The following BICC1 variants were observed in gnomAD, a reference collection of about 807,000 sequenced individuals.
The protein encoded by BICC1 is BicC family RNA binding protein 1, also known as protein bicaudal C homolog 1.
In BICC1, 43 loss-of-function variants were observed where a neutral mutation model predicts 111.0. The observed-to-expected ratio is 0.39, with a 90% CI of 0.30 to 0.50. The LOEUF (loss-of-function observed/expected upper bound fraction) is 0.50. BICC1 is among the 20% of genes least tolerant of loss of function. The probability of loss-of-function intolerance (pLI) is 0.88; values close to 1 mark genes in which losing one functional copy is unlikely to be tolerated. For synonymous variants in BICC1, 467 were observed against 434.4 expected, an observed-to-expected ratio of 1.07 and a Z score of -0.93; for missense variants, 1,091 against 1,203.2, an observed-to-expected ratio of 0.91 and a Z score of 1.38.
intron 2 of BICC1, among the ~76,000 whole-genome samples, chr10:58,622,734 G>T (rs10740740): frequency 2.0e-5 from 3 of 151,888 alleles, no homozygotes; most frequent in African/African-American, 4.8e-5. Context: ...TATTTTGACT[G>T]GACAGAAGTA....
intron 3 of BICC1, among the ~76,000 whole-genome samples, chr10:58,714,083 G>T (rs1416536575): frequency 6.6e-6 from 1 of 152,120 alleles, no homozygotes; most frequent in Non-Finnish European, 1.5e-5. Flanking sequence ...GAAGACAGCC[G>T]CCTCAACACA....
chr10:58,620,169 T>A (rs1482162523), intron 1 of BICC1, among the ~76,000 whole-genome samples: 1 of 152,190 alleles, frequency 6.6e-6, no homozygotes, highest in Non-Finnish European at 1.5e-5. Flanking sequence ...GAATACAAAA[T>A]GTTCATAGTC....
chr10:58,583,592 G>C (rs376503315), intron 1 of BICC1, among the ~76,000 whole-genome samples: 65,129 of 140,174 alleles, frequency 0.46, 14,948 homozygotes, highest in Admixed American at 0.57. Context: ...CTCTGTGTGT[G>C]TGTGTGTGTG....
intron 2 of BICC1, among the ~76,000 whole-genome samples, chr10:58,676,667 G>A (rs536757287): frequency 3.3e-5 from 5 of 152,318 alleles, no homozygotes; most frequent in Admixed American, 1.3e-4. Context: ...AGAGAGCAGC[G>A]GATCTCCCAG....
chr10:58,751,520 G>A (rs1841990894), intron 3 of BICC1, among the ~76,000 whole-genome samples: 1 of 152,144 alleles, frequency 6.6e-6, no homozygotes, highest in South Asian at 2.1e-4. Context: ...AACGTGCCCA[G>A]TGGGAACTAT....
chr10:58,807,542 G>A (rs1001036206), intron 17 of BICC1, among the ~76,000 whole-genome samples: 3 of 152,134 alleles, frequency 2.0e-5, no homozygotes, highest in African/African-American at 7.2e-5. Flanking sequence ...GGGGGAAAAG[G>A]CAAATATTCA....
intron 1 of BICC1, among the ~76,000 whole-genome samples, chr10:58,559,981 T>C (rs1055555014): frequency 6.6e-6 from 1 of 151,816 alleles, no homozygotes; most frequent in Non-Finnish European, 1.5e-5. Flanking sequence ...TTGTTGAGGA[T>C]TTTTGCATCT....
chr10:58,697,869 C>T (rs1366247317), intron 2 of BICC1, among the ~76,000 whole-genome samples: 3 of 151,814 alleles, frequency 2.0e-5, no homozygotes, highest in Admixed American at 2.0e-4. Context: ...TACTGAAGTT[C>T]CTAGACCAAA....
At chr10:58,773,233 A>G (rs533743237) in intron 3 of BICC1, among the ~76,000 whole-genome samples, 1 of 152,172 alleles carries the variant, frequency 6.6e-6, no homozygotes, top group African/African-American at 2.4e-5. Flanking sequence ...TAACGTATGG[A>G]GTTGACCCCC....
intron 2 of BICC1, among the ~76,000 whole-genome samples, chr10:58,636,461 A>G (rs183659498): frequency 2.0e-5 from 3 of 152,218 alleles, no homozygotes; most frequent in Non-Finnish European, 4.4e-5. Context: ...CCAACACACA[A>G]AAAGATCCTA....
chr10:58,795,201 TATA>T (rs1589146093), intron 9 of BICC1, among the ~76,000 whole-genome samples: 1 of 152,200 alleles, frequency 6.6e-6, no homozygotes, highest in Non-Finnish European at 1.5e-5. Flanking sequence ...ATGGTGTATA[TATA>T]ATATGTATTT....
At chr10:58,762,732 A>T (rs914133919) in intron 3 of BICC1, among the ~76,000 whole-genome samples, 1 of 152,154 alleles carries the variant, frequency 6.6e-6, no homozygotes, top group Admixed American at 6.5e-5. Context: ...TTTTCTTTAC[A>T]TGAAAATTAA....
intron 5 of BICC1, among the ~76,000 whole-genome samples, chr10:58,788,153 G>A (rs1843065869): frequency 6.6e-6 from 1 of 152,136 alleles, no homozygotes; most frequent in Non-Finnish European, 1.5e-5. Flanking sequence ...AAACAGATCA[G>A]TTGACACAAA....
chr10:58,537,271 A>C (rs753333406), intron 1 of BICC1, among the ~76,000 whole-genome samples: 1 of 151,768 alleles, frequency 6.6e-6, no homozygotes, highest in Non-Finnish European at 1.5e-5. Flanking sequence ...AAAATAAGAA[A>C]ACTACAGACC....
chr10:58,571,808 A>G (rs1472809357), intron 1 of BICC1, among the ~76,000 whole-genome samples: 4 of 152,134 alleles, frequency 2.6e-5, no homozygotes, highest in Non-Finnish European at 2.9e-5. Flanking sequence ...ATATGTGTGC[A>G]TGTGTTTTTA....
At chr10:58,582,545 G>A (rs1318574507) in intron 1 of BICC1, among the ~76,000 whole-genome samples, 1 of 152,160 alleles carries the variant, frequency 6.6e-6, no homozygotes, top group African/African-American at 2.4e-5. Flanking sequence ...AAGGCCACTT[G>A]TATTTCCTAT....
intron 1 of BICC1, among the ~76,000 whole-genome samples, chr10:58,612,969 T>C (rs1845481487): frequency 6.6e-6 from 1 of 152,198 alleles, no homozygotes; most frequent in African/African-American, 2.4e-5. Context: ...TTGGGGGGAT[T>C]GTAATAGTTT....
chr10:58,718,259 T>C (rs1436972046), intron 3 of BICC1, among the ~76,000 whole-genome samples: 1 of 152,182 alleles, frequency 6.6e-6, no homozygotes. Flanking sequence ...CTGTTCCTCA[T>C]AGGTGGCACC....
intron 1 of BICC1, among the ~76,000 whole-genome samples, chr10:58,522,418 A>G (rs1194784796): frequency 6.6e-6 from 1 of 152,152 alleles, no homozygotes. Flanking sequence ...AAACCGCTCA[A>G]CTACTTGGAA....
Sources: gnomAD v4.1 joint callset for allele counts (sites outside exome capture counted in the v4.1 genomes callset) on GRCh38, gnomAD v4.1.1 for gene constraint, MANE v1.5 for transcripts, NCBI Gene and HGNC (gene_info 2026-07-23, HGNC 2026-07-21) for gene names.